The following RFX3 variants were observed in gnomAD, a reference collection of about 807,000 sequenced individuals.
The protein encoded by RFX3 is regulatory factor X3.
Under a neutral mutation model 98.6 loss-of-function variants are expected in RFX3, and 14 were observed. The observed-to-expected ratio is 0.14, with a 90% confidence interval of 0.09 to 0.22. RFX3 has a LOEUF of 0.22. RFX3 is among the 10% of genes least tolerant of loss of function. The probability of loss-of-function intolerance (pLI) is 1.00; values close to 1 mark genes in which losing one functional copy is unlikely to be tolerated. For synonymous variants in RFX3, 383 were observed against 328.4 expected (o/e 1.17, Z -1.80); for missense variants, 639 against 926.9 (o/e 0.69, Z 4.03).
chr9:3,266,828 G>C (rs1823703261), intron 11 of RFX3, among the ~76,000 whole-genome samples: 1 of 151,906 alleles, frequency 6.6e-6, no homozygotes, highest in African/African-American at 2.4e-5. Flanking sequence ...TGTTGAAAAG[G>C]TAAAAATTAA....
intron 15 of RFX3, chr9:3,247,071 T>C (rs1029968449): frequency 3.0e-6 from 3 of 983,684 alleles, no homozygotes; most frequent in Non-Finnish European, 2.4e-6. Context: ...TATAAGCACA[T>C]ACACATAGCT....
At chr9:3,461,562 T>C (rs1847686956) in intron 1 of RFX3, among the ~76,000 whole-genome samples, 1 of 151,992 alleles carries the variant, frequency 6.6e-6, no homozygotes, top group South Asian at 2.1e-4. Context: ...AGTAGAACAA[T>C]ATTATGCTAG....
At chr9:3,344,826 A>T (rs1368136478) in intron 3 of RFX3, 1 of 714,948 alleles carries the variant, frequency 1.4e-6, no homozygotes, top group South Asian at 1.5e-5. Flanking sequence ...AAATGCCAAC[A>T]GTAGTTTAAG....
At chr9:3,525,336 A>G (rs1302309972) in intron 1 of RFX3, among the ~76,000 whole-genome samples, 1 of 152,216 alleles carries the variant, frequency 6.6e-6, no homozygotes, top group African/African-American at 2.4e-5. Flanking sequence ...AAAAGAAGAA[A>G]ATTAAAGAAA....
At chr9:3,259,647 C>G (rs1822601576) in intron 13 of RFX3, among the ~76,000 whole-genome samples, 1 of 151,644 alleles carries the variant, frequency 6.6e-6, no homozygotes, top group South Asian at 2.1e-4. Context: ...ATGTAGATCT[C>G]AAAAACCACC....
intron 1 of RFX3, among the ~76,000 whole-genome samples, chr9:3,440,086 G>A (rs1195194636): frequency 1.3e-5 from 2 of 151,920 alleles, no homozygotes; most frequent in Non-Finnish European, 2.9e-5. Context: ...TCTCAGAAAA[G>A]TAGCAATAAA....
At chr9:3,355,737 C>T (rs186909384) in intron 2 of RFX3, among the ~76,000 whole-genome samples, 148 of 151,960 alleles carry the variant, frequency 9.7e-4, no homozygotes, top group African/African-American at 3.3e-3. Context: ...AACAGGCATG[C>T]TCTGATGCAC....
At chr9:3,413,112 T>C (rs970743175) in intron 1 of RFX3, among the ~76,000 whole-genome samples, 2 of 151,094 alleles carry the variant, frequency 1.3e-5, no homozygotes, top group African/African-American at 4.9e-5. Context: ...ATTGTCATTT[T>C]ATAGCAAGAT....
intron 1 of RFX3, among the ~76,000 whole-genome samples, chr9:3,420,209 G>C (rs1442981163): frequency 6.6e-6 from 1 of 152,190 alleles, no homozygotes; most frequent in African/African-American, 2.4e-5. Context: ...CCAGTCAGCA[G>C]CTTTCACCAC....
chr9:3,302,906 G>A (rs1003132438), intron 4 of RFX3, among the ~76,000 whole-genome samples: 13 of 151,556 alleles, frequency 8.6e-5, no homozygotes, highest in East Asian at 3.9e-4. Flanking sequence ...ATTTTCCCAC[G>A]TTGCTAATTC....
intron 1 of RFX3, among the ~76,000 whole-genome samples, chr9:3,421,619 G>A (rs1843446576): frequency 1.3e-5 from 2 of 152,200 alleles, no homozygotes; most frequent in African/African-American, 4.8e-5. Flanking sequence ...AATTCATTTG[G>A]TTATCCCATT....
chr9:3,327,494 C>T (rs1276975629), intron 4 of RFX3, among the ~76,000 whole-genome samples: 3 of 151,916 alleles, frequency 2.0e-5, no homozygotes, highest in East Asian at 1.9e-4. Context: ...AGACAAGTAC[C>T]GCACTATCAA....
intron 1 of RFX3, among the ~76,000 whole-genome samples, chr9:3,466,737 G>T (rs551348116): frequency 1.3e-5 from 2 of 152,104 alleles, no homozygotes; most frequent in African/African-American, 4.8e-5. Context: ...GTCAAGAAAT[G>T]AGTCTATTTT....
intron 2 of RFX3, among the ~76,000 whole-genome samples, chr9:3,373,500 T>C (rs961059214): frequency 2.0e-5 from 3 of 152,210 alleles, no homozygotes; most frequent in Non-Finnish European, 2.9e-5. Flanking sequence ...TTAGTCCTAA[T>C]TGCCTGTGTG....
At chr9:3,399,597 G>A (rs34331766) in intron 1 of RFX3, among the ~76,000 whole-genome samples, 29,402 of 152,030 alleles carry the variant, frequency 0.19, 4,615 homozygotes, top group African/African-American at 0.43. Context: ...ATTTGAGTTT[G>A]TGACTCTTTT....
At chr9:3,517,173 AGAATCATAGATTG>A (rs2133891007) in intron 1 of RFX3, among the ~76,000 whole-genome samples, 1 of 152,316 alleles carries the variant, frequency 6.6e-6, no homozygotes, top group Non-Finnish European at 1.5e-5. Context: ...ATCTTGCTAC[AGAATCATAGATTG>A]GAAAGGGCTT....
intron 1 of RFX3, among the ~76,000 whole-genome samples, chr9:3,399,619 G>A (rs774837238): frequency 6.6e-6 from 1 of 152,042 alleles, no homozygotes; most frequent in African/African-American, 2.4e-5. Context: ...AGGGTAATCA[G>A]AAATCTATTT....
intron 1 of RFX3, among the ~76,000 whole-genome samples, chr9:3,482,801 T>G (rs973952166): frequency 3.3e-5 from 5 of 152,228 alleles, no homozygotes; most frequent in African/African-American, 1.2e-4. Context: ...TGTGCTATAT[T>G]ATATGTCTTT....
chr9:3,375,844 C>T lies in RFX3; in HGVS notation c.117+19628G>A, dbSNP rs1430099322. ...GCATGGTGGCACACGCCTGTAGTCCCAGTTACTCAGGAGGCTGAGGCAGGT... is the reference window on the plus strand; with the variant it reads ...GCATGGTGGCACACGCCTGTAGTCCTAGTTACTCAGGAGGCTGAGGCAGGT... On this transcript the variant is annotated intron_variant, in intron 2 of 16. Transcript: ENST00000617270. Among the ~76,000 whole-genome samples, 3 of 152,026 alleles carry T rather than the reference C, an allele frequency of 2.0e-5. No individual in the cohort carries two copies. In the East Asian group the frequency reaches 5.8e-4, roughly 29 times the overall value.
Sources: gnomAD v4.1 joint callset for allele counts (sites outside exome capture counted in the v4.1 genomes callset) on GRCh38, gnomAD v4.1.1 for gene constraint, MANE v1.5 for transcripts, NCBI Gene and HGNC (gene_info 2026-07-23, HGNC 2026-07-21) for gene names.